Variants in MAB21L3 observed in about 807,000 individuals in gnomAD.
MAB21L3 encodes mab-21 like 3.
MAB21L3 carries 36 observed loss-of-function variants against 37.7 expected under a neutral mutation model. The observed-to-expected ratio is 0.96, with a 90% CI of 0.73 to 1.26. The LOEUF (loss-of-function observed/expected upper bound fraction) is 1.26, where lower values mean the gene tolerates loss of function less well. Among genes scored for constraint, MAB21L3 ranks in the 50% most tolerant of loss-of-function variants. MAB21L3 has a pLI of 0.00. For missense variants in MAB21L3, 430 were observed against 447.3 expected, an observed-to-expected ratio of 0.96 and a Z score of 0.35; for synonymous variants, 186 against 176.8, an observed-to-expected ratio of 1.05 and a Z score of -0.41.
intron 3 of MAB21L3, among the ~76,000 whole-genome samples, chr1:116,113,359 T>G (rs1051931930): frequency 6.6e-6 from 1 of 152,236 alleles, no homozygotes; most frequent in Non-Finnish European, 1.5e-5. Flanking sequence ...TAAAATGTAT[T>G]TCTTAGGCAA....
At chr1:116,120,161 T>C (rs1659701185) in intron 3 of MAB21L3, among the ~76,000 whole-genome samples, 1 of 152,096 alleles carries the variant, frequency 6.6e-6, no homozygotes, top group African/African-American at 2.4e-5. Flanking sequence ...CCTATCACTT[T>C]CCTTTTGCCA....
In MAB21L3 at chr1:116,112,560, G is replaced by T; in HGVS notation, c.-56G>T. On this transcript the variant is annotated 5_prime_UTR_variant, in exon 3 of 8. Transcript: ENST00000369500. ...CTACTCACAAGTGTTGCACTCCATTGAGAAAAAAAAAAAAACCAGGAAGTT... is the reference window on the plus strand; with the variant it reads ...CTACTCACAAGTGTTGCACTCCATTTAGAAAAAAAAAAAAACCAGGAAGTT... 6.7e-7 allele frequency: 1 copy of T among 1,485,378 alleles called. No individual in the cohort carries two copies. The highest frequency in any genetic ancestry group is 1.1e-5 in the South Asian group (1 of 87,150). The allele number at this position is 1,485,378 out of a possible 1,614,324, so 92.0% of individuals were successfully genotyped here.
chr1:116,118,292 C>T (rs1570803246), intron 3 of MAB21L3, among the ~76,000 whole-genome samples: 1 of 151,476 alleles, frequency 6.6e-6, no homozygotes, highest in Admixed American at 6.6e-5. Context: ...TGAGGCAGGA[C>T]AATCACTTGA....
chr1:116,131,688 G>A (rs1660067877), intron 7 of MAB21L3, among the ~76,000 whole-genome samples: 2 of 152,044 alleles, frequency 1.3e-5, no homozygotes, highest in Non-Finnish European at 2.9e-5. Context: ...CTAATTTTTT[G>A]TATTTTTAGT....
chr1:116,133,902 T>C lies in MAB21L3; in HGVS notation c.*537T>C, dbSNP rs1255403219. On this transcript the variant is annotated 3_prime_UTR_variant, in exon 8 of 8. Transcript: ENST00000369500. ...TCAACACAAAGTGTTCCTGGTTGGT[T>C]GAGTAGCTGGTGTTTGCATCCTGGA... is the stretch of plus-strand genomic sequence containing the variant. 2.5e-5 allele frequency: 4 copies of C among 160,032 alleles called. No homozygotes were observed. The highest frequency in any genetic ancestry group is 5.5e-5 in the Non-Finnish European group (4 of 72,794). 9.9% of individuals were successfully genotyped at this position (160,032 alleles called of 1,614,324 possible).
intron 4 of MAB21L3, among the ~76,000 whole-genome samples, chr1:116,122,607 C>T (rs1273446576): frequency 6.6e-6 from 1 of 152,216 alleles, no homozygotes; most frequent in Non-Finnish European, 1.5e-5. Flanking sequence ...GTCACCCAGG[C>T]CGGAGTGCAG....
In MAB21L3 at chr1:116,138,026, T is replaced by C. The variant is rs1416079850; in HGVS notation, c.*4661T>C. 2.0e-5 allele frequency among the ~76,000 whole-genome samples: 3 copies of C among 146,884 alleles called. No homozygotes were observed. Among genetic ancestry groups the C allele is most frequent in the African/African-American group, 7.5e-5 (3 of 39,754 alleles). On this transcript the variant is annotated 3_prime_UTR_variant, in exon 8 of 8. Transcript: ENST00000369500. ...ATTGGGAGATATACCTAATGCTAGATGACGAGTTAGTGGGTGCAGCGCACC... is the reference window on the plus strand; with the variant it reads ...ATTGGGAGATATACCTAATGCTAGACGACGAGTTAGTGGGTGCAGCGCACC...
At chr1:116,121,097 G>T in intron 4 of MAB21L3, 25 bp downstream of exon 4, 1 of 1,607,014 alleles carries the variant, frequency 6.2e-7, no homozygotes, top group Non-Finnish European at 8.5e-7. Context: ...CTGTCTCTAA[G>T]TGCCACCAAC....
chr1:116,120,402 T>TACACAC (rs750221425), intron 3 of MAB21L3, among the ~76,000 whole-genome samples: 9 of 91,698 alleles, frequency 9.8e-5, no homozygotes, highest in East Asian at 2.6e-4. Flanking sequence ...TATTACATTA[T>TACACAC]ACACACACAC....
chr1:116,115,311 A>G (rs1330414646), intron 3 of MAB21L3, among the ~76,000 whole-genome samples: 1 of 152,188 alleles, frequency 6.6e-6, no homozygotes, highest in Non-Finnish European at 1.5e-5. Flanking sequence ...CATTTGATTC[A>G]TGGAAGAATT....
In MAB21L3 at chr1:116,133,230, C is replaced by A; in HGVS notation, c.954C>A (p.Cys318Ter). 2 of 1,614,178 alleles carry A rather than the reference C, an allele frequency of 1.2e-6. No individual in the cohort carries two copies. Among genetic ancestry groups the A allele is most frequent in the Non-Finnish European group, 1.7e-6 (2 of 1,180,036 alleles). Residue 318 changes from cysteine to a stop codon, truncating the protein, a stop_gained, in exon 8 of 8, where the codon TGC becomes TGA. Transcript: ENST00000369500. LOFTEE classifies it high-confidence loss of function. ...GCCTGGTGAGGAAACTGCACAAGTG[C>A]GTGAGCCAGCACTTCCTGAAACACT... ...FLRLVRKLHKCVSQHFLKHYF... is the reference protein window; with the variant it reads ...FLRLVRKLHK
intron 6 of MAB21L3, among the ~76,000 whole-genome samples, 172 bp from the exon 7 acceptor site, chr1:116,127,973 T>C (rs1659957206): frequency 6.6e-6 from 1 of 152,136 alleles, no homozygotes; most frequent in Non-Finnish European, 1.5e-5. Context: ...CTTCTAACTG[T>C]CCACATCCAA....
chr1:116,137,482 C>G lies in MAB21L3; in HGVS notation c.*4117C>G, dbSNP rs1253649056. Among the ~76,000 whole-genome samples, 1 of 146,014 alleles carries G rather than the reference C, an allele frequency of 6.8e-6. No homozygotes were observed. The highest frequency in any genetic ancestry group is 1.5e-5 in the Non-Finnish European group (1 of 67,228). ...TTAAAAAGTCAGGAAACAACAGGTGCTGGAGAGGATGTGGAGAAATAGGAA... is the reference window on the plus strand; with the variant it reads ...TTAAAAAGTCAGGAAACAACAGGTGGTGGAGAGGATGTGGAGAAATAGGAA... On this transcript the variant is annotated 3_prime_UTR_variant, in exon 8 of 8. Coordinates refer to ENST00000369500, the MANE Select transcript of MAB21L3 (RefSeq NM_152367.3).
At chr1:116,117,888 G>C (rs554115605) in intron 3 of MAB21L3, among the ~76,000 whole-genome samples, 6 of 152,196 alleles carry the variant, frequency 3.9e-5, no homozygotes, top group Admixed American at 2.0e-4. Context: ...GCCACACCAA[G>C]ATGAATTCCT....
intron 3 of MAB21L3, among the ~76,000 whole-genome samples, chr1:116,120,426 C>G (rs868292446): frequency 3.3e-5 from 4 of 120,462 alleles, no homozygotes; most frequent in African/African-American, 1.1e-4. Flanking sequence ...CACACACACA[C>G]ACACAAACAC....
intron 3 of MAB21L3, among the ~76,000 whole-genome samples, chr1:116,118,396 C>A (rs542414122): frequency 6.6e-6 from 1 of 151,100 alleles, no homozygotes; most frequent in South Asian, 2.1e-4. Flanking sequence ...AAAAAAAATT[C>A]TTGGAGGAGT....
intron 5 of MAB21L3, among the ~76,000 whole-genome samples, chr1:116,124,675 A>G (rs1054770314): frequency 2.0e-5 from 3 of 152,178 alleles, no homozygotes; most frequent in Admixed American, 2.0e-4. Flanking sequence ...AAAAAAGCAA[A>G]TTATTCACAA....
intron 3 of MAB21L3, among the ~76,000 whole-genome samples, chr1:116,113,268 A>G (rs1557926384): frequency 1.3e-5 from 2 of 152,228 alleles, no homozygotes; most frequent in East Asian, 3.8e-4. Flanking sequence ...AAATATTTAA[A>G]TTGACTAAGA....
At position 116,121,063 on chromosome 1, in the gene MAB21L3, A is replaced by G; in HGVS notation, c.180A>G (p.Glu60=). 1 of 1,613,488 alleles carries G rather than the reference A, an allele frequency of 6.2e-7. No homozygotes were observed. The highest frequency in any genetic ancestry group is 8.5e-7 in the Non-Finnish European group (1 of 1,179,726). The change falls in exon 4 of 8, where the codon GAA becomes GAG. Residue 60 remains glutamate, a synonymous_variant. Coordinates refer to ENST00000369500, the MANE Select transcript of MAB21L3 (RefSeq NM_152367.3). Reference sequence around the variant, plus strand: ...TGCCTTACTCTGACACGTACAATGAAAATATTAAGGTAAGCAAGTCTTGCT... The same window carrying G: ...TGCCTTACTCTGACACGTACAATGAGAATATTAAGGTAAGCAAGTCTTGCT... ...QAVPYSDTYN[E]NIKVLAPSQF...
Sources: allele counts gnomAD v4.1 joint callset (sites outside exome capture counted in the v4.1 genomes callset), GRCh38; gene constraint gnomAD v4.1.1; transcripts MANE v1.5; gene names NCBI Gene and HGNC (gene_info 2026-07-23, HGNC 2026-07-21).